The following NEK11 variants were observed in gnomAD, a reference collection of about 807,000 sequenced individuals.
NEK11 encodes NIMA related kinase 11, also known as serine/threonine-protein kinase Nek11.
NEK11 carries 72 observed loss-of-function variants against 80.7 expected under a neutral mutation model. The observed-to-expected ratio is 0.89, with a 90% CI of 0.74 to 1.08. The LOEUF is 1.08. Among genes scored for constraint, NEK11 ranks in the 50% least tolerant of loss-of-function variants. The pLI is 0.00. For missense variants in NEK11, 764 were observed against 763.6 expected (o/e 1.00, Z -0.01); for synonymous variants, 251 against 260.7 (o/e 0.96, Z 0.36).
chr3:131,344,908 C>T (rs564111419), intron 17 of NEK11, among the ~76,000 whole-genome samples: 11 of 152,364 alleles, frequency 7.2e-5, no homozygotes, highest in Admixed American at 5.2e-4. Context: ...CCACCGCCAA[C>T]AGTGGAGATT....
chr3:131,289,044 G>A (rs898102826), intron 17 of NEK11, among the ~76,000 whole-genome samples: 1 of 152,164 alleles, frequency 6.6e-6, no homozygotes, highest in Non-Finnish European at 1.5e-5. Flanking sequence ...CCATAACAAA[G>A]TACCATAACC....
intron 4 of NEK11, chr3:131,088,091 A>G (rs2076246850): frequency 6.6e-6 from 1 of 152,192 alleles, no homozygotes; most frequent in Non-Finnish European, 1.5e-5. Flanking sequence ...TTGTTTTCAG[A>G]GTGGTGGGTC....
intron 16 of NEK11, 47 bp downstream of exon 16, chr3:131,243,543 T>G (rs1272978494): frequency 6.9e-7 from 1 of 1,459,178 alleles, no homozygotes; most frequent in Non-Finnish European, 9.6e-7. Context: ...AGCTACTGAT[T>G]ATCTTGGAAT....
intron 15 of NEK11, among the ~76,000 whole-genome samples, chr3:131,230,616 A>G (rs1398305468): frequency 6.6e-6 from 1 of 152,202 alleles, no homozygotes; most frequent in Non-Finnish European, 1.5e-5. Context: ...CTTGCTTTTA[A>G]GTAATTTTTT....
chr3:131,120,748 C>G (rs1217548926), intron 5 of NEK11, among the ~76,000 whole-genome samples: 1 of 152,038 alleles, frequency 6.6e-6, no homozygotes, highest in Non-Finnish European at 1.5e-5. Context: ...TTACTGGTAC[C>G]CTTTCGTCCA....
chr3:131,116,314 T>C (rs868764733), intron 5 of NEK11, among the ~76,000 whole-genome samples: 59 of 152,320 alleles, frequency 3.9e-4, no homozygotes, highest in African/African-American at 1.4e-3. Context: ...CACATCCTTC[T>C]TTATGGCTGC....
At chr3:131,323,806 T>C (rs540612058) in intron 17 of NEK11, among the ~76,000 whole-genome samples, 1 of 152,328 alleles carries the variant, frequency 6.6e-6, no homozygotes, top group East Asian at 1.9e-4. Flanking sequence ...TTAATGAGTG[T>C]CTCTAGCCAG....
rs58463955 is a variant in NEK11 at position 131,181,745 on chromosome 3, C to CAAA, written c.1399+10877_1399+10879dup. ...TGGGCGACAGAGCGAGACTCCGCCTCAAAAAAAAAAAAAAAAAAAAAGAAA... is the reference window on the plus strand; with the variant it reads ...TGGGCGACAGAGCGAGACTCCGCCTCAAAAAAAAAAAAAAAAAAAAAAAAGAAA... On this transcript the variant is annotated intron_variant, in intron 14 of 17. Coordinates refer to ENST00000383366, the MANE Select transcript of NEK11 (RefSeq NM_024800.5). Among the ~76,000 whole-genome samples the CAAA allele has an allele frequency of 2.5e-3, 208 of 82,420 alleles. 1 individual carries two copies. The highest frequency in any genetic ancestry group is 7.7e-3 in the Middle Eastern group (1 of 130). 54.1% of individuals were successfully genotyped at this position (82,420 alleles called of 152,430 possible). A position where few individuals can be genotyped will look rare whatever the true frequency, so the allele number is the denominator to read the frequency against.
chr3:131,239,179 A>G (rs1439861874), intron 15 of NEK11, among the ~76,000 whole-genome samples: 1 of 151,906 alleles, frequency 6.6e-6, no homozygotes, highest in Non-Finnish European at 1.5e-5. Flanking sequence ...GTTTTGCATG[A>G]TTTGGTGGGA....
chr3:131,168,923 C>T lies in NEK11; in HGVS notation c.1270C>T (p.Gln424Ter), dbSNP rs1301992714. ...CCAGGACGAGGATGAAGAGAGGTGG[C>T]AAGGCAGGGAAGAGGCAAGTTTAAT... ...SPQDEDEERW[Q>*]GREEESDEPT... The change falls in exon 13 of 18, where the codon CAA becomes TAA. Residue 424 changes from glutamine (Q) to a stop codon, truncating the protein, a stop_gained. Coordinates refer to ENST00000383366, the MANE Select transcript of NEK11 (RefSeq NM_024800.5). LOFTEE classifies it high-confidence loss of function. 1.2e-6 allele frequency: 2 copies of T among 1,613,312 alleles called. No individual in the cohort carries two copies. The highest frequency in any genetic ancestry group is 1.3e-5 in the African/African-American group (1 of 74,824).
chr3:131,305,445 A>AG, intron 17 of NEK11, among the ~76,000 whole-genome samples: 1 of 152,156 alleles, frequency 6.6e-6, no homozygotes, highest in East Asian at 1.9e-4. Flanking sequence ...CAGACACAGG[A>AG]GTGCTCAGAT....
intron 4 of NEK11, among the ~76,000 whole-genome samples, chr3:131,097,005 G>A (rs1054183781): frequency 6.6e-5 from 10 of 150,764 alleles, no homozygotes; most frequent in East Asian, 2.0e-4. Flanking sequence ...TTGTCCTTGC[G>A]ATAGTTTACT....
intron 3 of NEK11, among the ~76,000 whole-genome samples, chr3:131,061,374 T>C (rs778067785): frequency 3.9e-5 from 6 of 152,102 alleles, no homozygotes; most frequent in Non-Finnish European, 7.3e-5. Context: ...TTGCATTGGG[T>C]AGAATGTAGG....
intron 4 of NEK11, among the ~76,000 whole-genome samples, chr3:131,095,560 T>G (rs996563834): frequency 2.6e-5 from 4 of 152,146 alleles, no homozygotes; most frequent in African/African-American, 9.7e-5. Context: ...AAATTACGAG[T>G]GATAGTAATA....
intron 5 of NEK11, among the ~76,000 whole-genome samples, chr3:131,130,760 C>T (rs1398528394): frequency 6.6e-6 from 1 of 152,076 alleles, no homozygotes; most frequent in Non-Finnish European, 1.5e-5. Context: ...GTATAAATCC[C>T]ACTTGGTTGT....
intron 7 of NEK11, among the ~76,000 whole-genome samples, chr3:131,149,441 G>A (rs2089187712): frequency 6.6e-6 from 1 of 152,050 alleles, no homozygotes; most frequent in African/African-American, 2.4e-5. Context: ...ATGCATGCAT[G>A]TGTCTTTATG....
intron 3 of NEK11, among the ~76,000 whole-genome samples, chr3:131,030,856 G>T (rs1197189046): frequency 2.0e-5 from 3 of 152,142 alleles, no homozygotes; most frequent in African/African-American, 7.2e-5. Context: ...TTAATTTGCT[G>T]CAGTGGAAAG....
chr3:131,276,243 C>T (rs12635741), intron 17 of NEK11, among the ~76,000 whole-genome samples: 1 of 152,192 alleles, frequency 6.6e-6, no homozygotes. Context: ...GAAGCATACT[C>T]AGAGATGGAG....
rs200367128 is a variant in NEK11 at position 131,203,647 on chromosome 3, T to TACAC, written c.1400-24867_1400-24864dup. 6.2e-4 allele frequency among the ~76,000 whole-genome samples: 84 copies of TACAC among 134,892 alleles called. 2 individuals carry two copies. Among genetic ancestry groups the TACAC allele is most frequent in the Non-Finnish European group, 8.7e-4 (54 of 61,946 alleles). 88.5% of individuals were successfully genotyped at this position (134,892 alleles called of 152,430 possible). ...AATTTTCAAAACGGTGATATTGTGATACACACACACACACACATATATAAA... is the reference window on the plus strand; with the variant it reads ...AATTTTCAAAACGGTGATATTGTGATACACACACACACACACACACATATATAAA... On this transcript the variant is annotated intron_variant, in intron 14 of 17. Coordinates refer to ENST00000383366, the MANE Select transcript of NEK11 (RefSeq NM_024800.5).
Sources: gnomAD v4.1 joint callset for allele counts (sites outside exome capture counted in the v4.1 genomes callset) on GRCh38, gnomAD v4.1.1 for gene constraint, MANE v1.5 for transcripts, NCBI Gene and HGNC (gene_info 2026-07-23, HGNC 2026-07-21) for gene names.